SLC5A9: variants seen among roughly 807,000 people sequenced by gnomAD.
SLC5A9 encodes the protein solute carrier family 5 member 9, also known as sodium/glucose cotransporter 4.
In SLC5A9, 59 loss-of-function variants were observed where a neutral mutation model predicts 70.9. The observed-to-expected ratio is 0.83, with a 90% CI of 0.68 to 1.03. The LOEUF (loss-of-function observed/expected upper bound fraction) is 1.03. Among genes scored for constraint, SLC5A9 ranks in the 50% least tolerant of loss-of-function variants. The pLI is 0.00. For missense variants in SLC5A9, 832 were observed against 881.1 expected (o/e 0.94, Z 0.71); for synonymous variants, 340 against 346.5 (o/e 0.98, Z 0.21).
Position 48,222,870 on chromosome 1 carries a change from T to A in SLC5A9, c.134T>A (p.Phe45Tyr), listed in dbSNP as rs761278392. Residue 45 changes from phenylalanine to tyrosine, a missense_variant, in exon 1 of 14, where the codon TTT (phenylalanine) becomes TAT (tyrosine). Transcript: ENST00000438567. Reference protein sequence around the residue: ...AYDISVVVIYFVFVIAVGIWS... With the variant: ...AYDISVVVIYYVFVIAVGIWS... Reference sequence around the variant, plus strand: ...GACATCAGCGTGGTGGTCATCTACTTTGTCTTCGTCATTGCTGTGGGGATC... The same window carrying A: ...GACATCAGCGTGGTGGTCATCTACTATGTCTTCGTCATTGCTGTGGGGATC... 7 of 1,613,958 alleles carry A rather than the reference T, an allele frequency of 4.3e-6. No individual in the cohort carries two copies. The highest frequency in any genetic ancestry group is 1.1e-5 in the South Asian group (1 of 91,060).
Position 48,247,622 on chromosome 1 carries a change from C to A in SLC5A9, c.*79C>A. The A allele has an allele frequency of 7.0e-7, 1 of 1,432,698 alleles. No homozygotes were observed. Among genetic ancestry groups the A allele is most frequent in the Non-Finnish European group, 9.8e-7 (1 of 1,017,764 alleles). 88.7% of individuals were successfully genotyped at this position (1,432,698 alleles called of 1,614,324 possible). A position where few individuals can be genotyped will look rare whatever the true frequency, so the allele number is the denominator to read the frequency against. On this transcript the variant is annotated 3_prime_UTR_variant, in exon 14 of 14. Coordinates refer to ENST00000438567, the MANE Select transcript of SLC5A9 (RefSeq NM_001011547.3). ...GCCACAGAAACAGGCTCTCCTCTTA[C>A]TTTGCTGTCTAAACTGGAGATCACA...
rs1569833587 is a variant in SLC5A9, at chr1:48,231,715, C to T, written c.691+90C>T. 4 of 1,556,322 alleles carry T rather than the reference C, an allele frequency of 2.6e-6. No individual in the cohort carries two copies. The East Asian group carries it at 9.5e-5, about 37-fold the overall frequency. On this transcript the variant is annotated intron_variant, in intron 6 of 13. Coordinates refer to ENST00000438567, the MANE Select transcript of SLC5A9 (RefSeq NM_001011547.3). ...ACCTCCACAGTTCGATTGAAACTTT[C>T]CAGTGCATAGAGCCATGTGAGCCAT... is the stretch of plus-strand genomic sequence containing the variant.
rs138087820 is a variant in SLC5A9, at chr1:48,242,465, C to T, written c.1686C>T (p.Arg562=). 2 of 1,605,436 alleles carry T rather than the reference C, an allele frequency of 1.2e-6. No individual in the cohort carries two copies. Among genetic ancestry groups the T allele is most frequent in the African/African-American group, 2.7e-5 (2 of 74,682 alleles). Reference sequence around the variant, plus strand: ...GTCTTCTTTCCCTCCAGCTCACACGCCTCACATGGTGGACTCGGAACTGCC... The same window carrying T: ...GTCTTCTTTCCCTCCAGCTCACACGTCTCACATGGTGGACTCGGAACTGCC... ...TTPIPEEQLT[R]LTWWTRNCPL... is the part of the protein sequence containing the mutation. The change falls in exon 13 of 14, where the codon CGC becomes CGT. Residue 562 remains arginine, a synonymous_variant. Coordinates refer to ENST00000438567, the MANE Select transcript of SLC5A9 (RefSeq NM_001011547.3).
chr1:48,223,465 A>G (rs893640694), intron 1 of SLC5A9, among the ~76,000 whole-genome samples: 23 of 152,168 alleles, frequency 1.5e-4, no homozygotes, highest in African/African-American at 5.3e-4. Flanking sequence ...TGAGAGCCTC[A>G]TGTCCCTGGG....
chr1:48,232,528 T>C (rs760668504), intron 8 of SLC5A9, 26 bp downstream of exon 8: 3 of 1,612,822 alleles, frequency 1.9e-6, no homozygotes, highest in Non-Finnish European at 2.5e-6. Context: ...GCTCTCTGGG[T>C]ATTGGGATCT....
At chr1:48,224,836 C>G in intron 2 of SLC5A9, 41 bp downstream of exon 2, 1 of 1,581,346 alleles carries the variant, frequency 6.3e-7, no homozygotes, top group Non-Finnish European at 8.7e-7. Context: ...GCAGAGGCTC[C>G]CAACTTTCTT....
In SLC5A9 at chr1:48,242,627, G is replaced by A. The variant is rs1254911689; in HGVS notation, c.1837+11G>A. Reference sequence around the variant, plus strand: ...AGGAGCAGCCTGAAGGTAGGCTGCGGCAGGCCGGGGGATACTCATCACAGA... The same window carrying A: ...AGGAGCAGCCTGAAGGTAGGCTGCGACAGGCCGGGGGATACTCATCACAGA... On this transcript the variant is annotated intron_variant, in intron 13 of 13. Transcript: ENST00000438567. 3 of 1,602,330 alleles carry A rather than the reference G, an allele frequency of 1.9e-6. No homozygotes were observed. Among genetic ancestry groups the A allele is most frequent in the Admixed American group, 3.4e-5 (2 of 59,346 alleles).
chr1:48,245,556 G>C (rs1644451556), intron 13 of SLC5A9, among the ~76,000 whole-genome samples: 1 of 151,626 alleles, frequency 6.6e-6, no homozygotes. Context: ...ATACTCTAAA[G>C]CTCCTTCCCT....
Position 48,235,993 on chromosome 1 carries a change from G to A in SLC5A9, c.1292+114G>A, listed in dbSNP as rs1006990536. 367 of 1,213,118 alleles carry A rather than the reference G, an allele frequency of 3.0e-4. 4 individuals carry two copies. In the South Asian group the frequency reaches 4.8e-3, roughly 16 times the overall value. The allele number at this position is 1,213,118 out of a possible 1,614,324, so 75.1% of individuals were successfully genotyped here. ...ACCCTGGACTGGCAGCCAGAGCACC[G>A]GGTTCAAGCTCCAGCTCTCCACATG... On this transcript the variant is annotated intron_variant, in intron 10 of 13. Transcript: ENST00000438567.
chr1:48,229,555 C>T lies in SLC5A9; in HGVS notation c.504+96C>T, dbSNP rs552367731. The T allele has an allele frequency of 4.8e-5, 74 of 1,545,512 alleles. 1 individual carries two copies. The South Asian group carries it at 7.2e-4, about 15-fold the overall frequency. ...GTGCGTGTTGCTGAGGGGAAGCTGA[C>T]AATCACTGTTGAAAAAAAGGAAAGC... is the stretch of plus-strand genomic sequence containing the variant. On this transcript the variant is annotated intron_variant, in intron 4 of 13. Transcript: ENST00000438567.
intron 13 of SLC5A9, among the ~76,000 whole-genome samples, chr1:48,246,591 T>C (rs772792304): frequency 2.0e-5 from 3 of 152,206 alleles, no homozygotes; most frequent in Admixed American, 6.5e-5. Context: ...TGTGCTACCT[T>C]TTAACCTCAG....
intron 11 of SLC5A9, 145 bp downstream of exon 11, chr1:48,237,992 T>G: frequency 1.2e-6 from 1 of 808,824 alleles, no homozygotes; most frequent in Non-Finnish European, 1.9e-6. Context: ...CTAGATTCAT[T>G]CATTCACTCA....
chr1:48,243,998 T>C (rs576412718), intron 13 of SLC5A9, among the ~76,000 whole-genome samples: 1 of 152,274 alleles, frequency 6.6e-6, no homozygotes, highest in Non-Finnish European at 1.5e-5. Flanking sequence ...TACACCAAAA[T>C]GGATAAAAAT....
At chr1:48,228,670 C>G in intron 2 of SLC5A9, 180 bp from the exon 3 acceptor site, 2 of 1,000,294 alleles carry the variant, frequency 2.0e-6, no homozygotes, top group Non-Finnish European at 2.8e-6. Flanking sequence ...TCCTCTGTAA[C>G]CTGGGATGAC....
intron 13 of SLC5A9, among the ~76,000 whole-genome samples, chr1:48,244,872 G>A (rs367834218): frequency 0.015 from 140 of 9,316 alleles, 20 homozygotes; most frequent in African/African-American, 0.024. Context: ...GTATGTATGT[G>A]TATGTGTATA....
chr1:48,237,632 C>T, intron 10 of SLC5A9, 47 bp from the exon 11 acceptor site: 2 of 1,595,912 alleles, frequency 1.3e-6, no homozygotes, highest in Non-Finnish European at 1.7e-6. Context: ...CCACACCACA[C>T]CATGCCCACC....
At chr1:48,231,822 C>T in intron 6 of SLC5A9, 124 bp from the exon 7 acceptor site, 1 of 1,534,512 alleles carries the variant, frequency 6.5e-7, no homozygotes, top group Non-Finnish European at 8.8e-7. Flanking sequence ...GCCCCATCTT[C>T]CTCCTTCACC....
In SLC5A9 at chr1:48,233,384, AAAGAT is replaced by A. The variant is rs1186628473; in HGVS notation, c.1034-269_1034-265del. 8.9e-4 allele frequency among the ~76,000 whole-genome samples: 129 copies of A among 145,252 alleles called. 4 individuals are homozygous for A. In the South Asian group the frequency reaches 0.017, roughly 19 times the overall value. ...TCAAAAAAAAAAAAAAAAAAAAAAA[AAAGAT>A]AGAAAAGAACACATAATAAGCAGTT... On this transcript the variant is annotated intron_variant, in intron 8 of 13. Coordinates refer to ENST00000438567, the MANE Select transcript of SLC5A9 (RefSeq NM_001011547.3).
At chr1:48,247,007 T>C (rs1373124827) in intron 13 of SLC5A9, among the ~76,000 whole-genome samples, 1 of 152,190 alleles carries the variant, frequency 6.6e-6, no homozygotes, top group Non-Finnish European at 1.5e-5. Flanking sequence ...TCAGGACTTG[T>C]GCTATGAATT....
Sources: gnomAD v4.1 joint callset for allele counts (sites outside exome capture counted in the v4.1 genomes callset) on GRCh38, gnomAD v4.1.1 for gene constraint, MANE v1.5 for transcripts, NCBI Gene and HGNC (gene_info 2026-07-23, HGNC 2026-07-21) for gene names.